ZNF28: variants seen among roughly 807,000 people sequenced by gnomAD.
ZNF28 encodes the protein zinc finger protein 28, also known as zinc finger protein KOX24.
Under a neutral mutation model 7.2 loss-of-function variants are expected in ZNF28, and 5 were observed. The observed-to-expected ratio is 0.70, with a 90% confidence interval of 0.36 to 1.46. ZNF28 has a LOEUF of 1.46. ZNF28 is among the 40% of genes most tolerant of loss of function. The pLI, the probability that ZNF28 is intolerant of heterozygous loss-of-function variation, is 0.03. For missense variants in ZNF28, 879 were observed against 866.6 expected (o/e 1.01, Z -0.18); for synonymous variants, 288 against 292.4 (o/e 0.99, Z 0.15).
chr19:52,810,175 AGGT>A, intron 2 of ZNF28: 1 of 972,726 alleles, frequency 1.0e-6, no homozygotes, highest in South Asian at 1.3e-5. Context: ...GGAGTCAGGG[AGGT>A]GGAGGAAGAA....
intron 1 of ZNF28, among the ~76,000 whole-genome samples, chr19:52,818,452 C>T (rs2063154596): frequency 1.3e-5 from 2 of 152,054 alleles, no homozygotes; most frequent in African/African-American, 2.4e-5. Context: ...GTGGCTCATG[C>T]CTGTAATACC....
At chr19:52,817,835 G>A (rs1422340625) in intron 2 of ZNF28, 109 bp downstream of exon 2, 16 of 1,575,558 alleles carry the variant, frequency 1.0e-5, no homozygotes, top group African/African-American at 1.3e-5. Flanking sequence ...GTGAGGGTGA[G>A]CAAACATATC....
intron 3 of ZNF28, among the ~76,000 whole-genome samples, chr19:52,803,687 C>A (rs1215626896): frequency 6.6e-6 from 1 of 152,140 alleles, no homozygotes; most frequent in African/African-American, 2.4e-5. Context: ...TGACTAACAG[C>A]CAGGCACGGT....
In ZNF28 at chr19:52,815,993, A is replaced by AT. The variant is rs1253076985; in HGVS notation, c.15+1950dup. Among the ~76,000 whole-genome samples, 5 of 146,778 alleles carry AT rather than the reference A, an allele frequency of 3.4e-5. 2 individuals carry two copies. The Admixed American group carries it at 3.4e-4, about 10-fold the overall frequency. Reference sequence around the variant, plus strand: ...AAATTTTTCTTTAATTTACAACAGAATTTTTTTTAAAGTCTCATAATGATG... The same window carrying AT: ...AAATTTTTCTTTAATTTACAACAGAATTTTTTTTTAAAGTCTCATAATGATG... On this transcript the variant is annotated intron_variant, in intron 2 of 3. Coordinates refer to ENST00000457749, the MANE Select transcript of ZNF28 (RefSeq NM_006969.5).
In ZNF28 at chr19:52,798,553, T is replaced by C. The variant is rs1173617406; in HGVS notation, c.*1135A>G. ...TGTCCAGCATGGATTCTCTGATGTC[T>C]ATTGAGGTGTGAATGTGAAGTAAAC... On this transcript the variant is annotated 3_prime_UTR_variant, in exon 4 of 4. Coordinates refer to ENST00000457749, the MANE Select transcript of ZNF28 (RefSeq NM_006969.5). The C allele has an allele frequency of 7.9e-6, 4 of 506,254 alleles. No homozygotes were observed. The highest frequency in any genetic ancestry group is 1.6e-5 in the Non-Finnish European group (4 of 247,608). The allele number at this position is 506,254 out of a possible 1,614,324, so 31.4% of individuals were successfully genotyped here.
chr19:52,817,696 C>T (rs1344264630), intron 2 of ZNF28, among the ~76,000 whole-genome samples: 3 of 152,138 alleles, frequency 2.0e-5, no homozygotes, highest in Admixed American at 2.0e-4. Flanking sequence ...ACCCTCACCC[C>T]GTCTCCATCC....
At chr19:52,812,472 C>A (rs1600467861) in intron 2 of ZNF28, among the ~76,000 whole-genome samples, 1 of 122,688 alleles carries the variant, frequency 8.2e-6, no homozygotes, top group Non-Finnish European at 1.7e-5. Context: ...TTATCCCCAA[C>A]CCTGTGCTCT....
At position 52,800,500 on chromosome 19, in the gene ZNF28, TA is replaced by T. The variant is rs1228299580; in HGVS notation, c.1344del (p.Phe448LeufsTer176). 2.5e-6 allele frequency: 4 copies of T among 1,613,620 alleles called. No individual in the cohort carries two copies. The highest frequency in any genetic ancestry group is 3.4e-6 in the Non-Finnish European group (4 of 1,179,902). ...PYKCNECGKV[F>X]NQQSTLARHH... The stretch of plus-strand genomic sequence containing the variant: ...TGGCGTGCAAGAGTTGATTGTTGAT[TA>T]AAAACCTTGCCACATTCATTACACT... On this transcript the variant is annotated frameshift_variant, in exon 4 of 4. Coordinates refer to ENST00000457749, the MANE Select transcript of ZNF28 (RefSeq NM_006969.5). LOFTEE classifies it low-confidence loss of function (END_TRUNC).
intron 2 of ZNF28, among the ~76,000 whole-genome samples, chr19:52,812,636 C>T (rs1225405772): frequency 3.1e-5 from 4 of 129,854 alleles, no homozygotes; most frequent in Non-Finnish European, 6.5e-5. Context: ...TGCGGAAGGC[C>T]GCAGGGACCT....
intron 2 of ZNF28, among the ~76,000 whole-genome samples, chr19:52,811,509 A>C (rs1600462218): frequency 4.6e-5 from 5 of 108,916 alleles, no homozygotes; most frequent in Admixed American, 9.1e-5. Context: ...CCGGCCGCCC[A>C]TCGTCTGAGA....
chr19:52,806,893 C>A (rs1433735218), intron 3 of ZNF28, among the ~76,000 whole-genome samples: 1 of 152,032 alleles, frequency 6.6e-6, no homozygotes, highest in Non-Finnish European at 1.5e-5. Flanking sequence ...CAGAGTGAGA[C>A]TCTGTCATAA....
Position 52,810,830 on chromosome 19 carries a change from A to T in ZNF28, c.16-2697T>A, listed in dbSNP as rs551699175. On this transcript the variant is annotated intron_variant, in intron 2 of 3. Transcript: ENST00000457749. ...TGGAAAAAAATATATATATATTTTT[A>T]AAAAAAGAGTCCCTCTCCCTCTCCC... 3.6e-4 allele frequency: 95 copies of T among 261,326 alleles called. 2 individuals are homozygous for T. The highest frequency in any genetic ancestry group is 3.0e-4 in the East Asian group (4 of 13,400). The allele number at this position is 261,326 out of a possible 1,614,324, so 16.2% of individuals were successfully genotyped here. A position where few individuals can be genotyped will look rare whatever the true frequency, so the allele number is the denominator to read the frequency against.
chr19:52,817,147 C>T (rs375652639), intron 2 of ZNF28, among the ~76,000 whole-genome samples: 4 of 152,184 alleles, frequency 2.6e-5, no homozygotes, highest in South Asian at 4.1e-4. Flanking sequence ...CCAAAGTAGG[C>T]GGATCGCCTG....
At chr19:52,802,896 G>C (rs1319171506) in intron 3 of ZNF28, among the ~76,000 whole-genome samples, 2 of 151,066 alleles carry the variant, frequency 1.3e-5, no homozygotes, top group African/African-American at 4.9e-5. Context: ...CAGCAGCTTG[G>C]ACTACAGGCA....
intron 2 of ZNF28, among the ~76,000 whole-genome samples, chr19:52,808,334 T>G (rs1160313815): frequency 6.6e-6 from 1 of 152,202 alleles, no homozygotes; most frequent in African/African-American, 2.4e-5. Flanking sequence ...TTCCTAAGTT[T>G]GTGAAAAATT....
intron 1 of ZNF28, among the ~76,000 whole-genome samples, 172 bp from the exon 2 acceptor site, chr19:52,818,203 A>G (rs2063151129): frequency 6.6e-6 from 1 of 152,194 alleles, no homozygotes; most frequent in Non-Finnish European, 1.5e-5. Context: ...CTCCTGGAGA[A>G]GCCCACACAC....
In ZNF28 at chr19:52,797,525, G is replaced by A. The variant is rs1349686404; in HGVS notation, c.*2163C>T. The A allele has an allele frequency of 1.3e-5, 2 of 152,106 alleles. No homozygotes were observed. Among genetic ancestry groups the A allele is most frequent in the African/African-American group, 4.8e-5 (2 of 41,428 alleles). The allele number at this position is 152,106 out of a possible 1,614,324, so 9.4% of individuals were successfully genotyped here. ...ACATATTCAGTGTATTTGCAGAATA[G>A]AATAATAGCACCAAAAATTAGTTGA... On this transcript the variant is annotated 3_prime_UTR_variant, in exon 4 of 4. Coordinates refer to ENST00000457749, the MANE Select transcript of ZNF28 (RefSeq NM_006969.5).
chr19:52,807,974 C>A, intron 3 of ZNF28, 33 bp downstream of exon 3: 1 of 1,611,936 alleles, frequency 6.2e-7, no homozygotes. Context: ...TACAAAGATA[C>A]ACAAGGGCAC....
intron 3 of ZNF28, chr19:52,805,643 A>AAAATAAATAAATAAACAAATAAAT (rs1555805187): frequency 7.1e-6 from 1 of 140,302 alleles, no homozygotes; most frequent in Non-Finnish European, 1.5e-5. Context: ...AATAATAATA[A>AAAATAAATAAATAAACAAATAAAT]AAATAAATAA....
Sources: allele counts gnomAD v4.1 joint callset (sites outside exome capture counted in the v4.1 genomes callset), GRCh38; gene constraint gnomAD v4.1.1; transcripts MANE v1.5; gene names NCBI Gene and HGNC (gene_info 2026-07-23, HGNC 2026-07-21).